PDLIM7: variants seen among roughly 807,000 people sequenced by gnomAD.
PDLIM7 encodes the protein PDZ and LIM domain 7.
In PDLIM7, 37 loss-of-function variants were observed where a neutral mutation model predicts 53.9. That is an observed-to-expected ratio of 0.69 (90% CI 0.53 to 0.90). The LOEUF (loss-of-function observed/expected upper bound fraction) is 0.90, where lower values mean the gene tolerates loss of function less well. Ranked by LOEUF, PDLIM7 falls within the 40% of genes least tolerant of loss-of-function variation. The pLI is 0.00. For synonymous variants in PDLIM7, 300 were observed against 261.3 expected (o/e 1.15, Z -1.43); for missense variants, 617 against 638.5 (o/e 0.97, Z 0.36).
In PDLIM7 at chr5:177,491,893, G is replaced by A. The variant is rs893442786; in HGVS notation, c.312C>T (p.Tyr104=). 8 of 1,264,102 alleles carry A rather than the reference G, an allele frequency of 6.3e-6. No individual in the cohort carries two copies. Among genetic ancestry groups the A allele is most frequent in the East Asian group, 3.3e-5 (1 of 30,712 alleles). 78.3% of individuals were successfully genotyped at this position (1,264,102 alleles called of 1,614,324 possible). ...TGAGGGAGACGCTGGGTGCAAAGGT[G>A]TACCGCGGAGGGTCCGCGGCGGGGG... The part of the protein sequence containing the change: ...ASAPAADPPR[Y]TFAPSVSLNK... Residue 104 remains tyrosine, a synonymous_variant, in exon 5 of 13, where the codon TAC becomes TAT. Transcript: ENST00000355841.
chr5:177,492,588 T>A lies in PDLIM7; in HGVS notation c.186A>T (p.Thr62=). Residue 62 remains threonine, a synonymous_variant, in exon 3 of 13, where the codon ACA becomes ACT. Transcript: ENST00000355841. ...GGATCTTGTTCTGAGCTTCGATGTGTGTGAGGCTACCCGCATTCTCGCCAT... is the reference window on the plus strand; with the variant it reads ...GGATCTTGTTCTGAGCTTCGATGTGAGTGAGGCTACCCGCATTCTCGCCAT... The part of the protein sequence containing the change: ...SIDGENAGSL[T]HIEAQNKIRA... The A allele has an allele frequency of 1.2e-6, 2 of 1,613,734 alleles. No homozygotes were observed. Among genetic ancestry groups the A allele is most frequent in the Non-Finnish European group, 8.5e-7 (1 of 1,179,996 alleles).
At chr5:177,497,486 C>G (rs1308790273) in intron 1 of PDLIM7, 42 bp downstream of exon 1, 1 of 152,330 alleles carries the variant, frequency 6.6e-6, no homozygotes. Flanking sequence ...CCCCGGGCGC[C>G]CGCCTGGTGC....
At position 177,483,951 on chromosome 5, in the gene PDLIM7, A is replaced by G; in HGVS notation, c.1203T>C (p.His401=). The G allele has an allele frequency of 6.2e-7, 1 of 1,613,960 alleles. No homozygotes were observed. The highest frequency in any genetic ancestry group is 1.1e-5 in the South Asian group (1 of 91,090). ...DYEKMFGTKC[H]GCDFKIDAGD... ...CAGCGTCGATCTTGAAGTCACAGCC[A>G]TGGCATTTCGTGCCAAACATCTTCT... The change falls in exon 12 of 13, where the codon CAT becomes CAC. Residue 401 remains histidine (H), a synonymous_variant. Transcript: ENST00000355841.
intron 10 of PDLIM7, among the ~76,000 whole-genome samples, chr5:177,487,184 C>T (rs1300514407): frequency 2.0e-5 from 3 of 152,118 alleles, no homozygotes; most frequent in Non-Finnish European, 4.4e-5. Context: ...CTGCCCACCT[C>T]GACCTCCCAA....
intron 9 of PDLIM7, 90 bp from the exon 10 acceptor site, chr5:177,488,338 G>A (rs1418854626): frequency 1.9e-6 from 2 of 1,062,520 alleles, no homozygotes; most frequent in African/African-American, 3.2e-5. Flanking sequence ...CCACCAGGAG[G>A]CCTTGGGAGG....
chr5:177,496,628 G>C (rs973375706), intron 1 of PDLIM7, 105 bp from the exon 2 acceptor site: 34 of 688,702 alleles, frequency 4.9e-5, no homozygotes, highest in Non-Finnish European at 7.7e-5. Flanking sequence ...AGGCAGGCAC[G>C]GGCAGCCCCT....
Position 177,491,162 on chromosome 5 carries a change from G to A in PDLIM7, c.399-16C>T. On this transcript the variant is annotated splice_polypyrimidine_tract_variant and intron_variant, in intron 5 of 12. Transcript: ENST00000355841. ...GAGCGGCTGTCTGTGGGGAGGGTGT[G>A]GCTCAGAACCCCACACTGGGGGTGG... The A allele has an allele frequency of 6.3e-7, 1 of 1,593,982 alleles. No individual in the cohort carries two copies. The highest frequency in any genetic ancestry group is 8.6e-7 in the Non-Finnish European group (1 of 1,169,016).
chr5:177,496,994 G>A (rs1186938652), intron 1 of PDLIM7: 1 of 140,330 alleles, frequency 7.1e-6, no homozygotes, highest in Non-Finnish European at 1.6e-5. Context: ...AGCACACGGG[G>A]GCTTGGGACG....
intron 2 of PDLIM7, among the ~76,000 whole-genome samples, chr5:177,494,608 A>G (rs887367510): frequency 3.3e-5 from 5 of 151,988 alleles, no homozygotes; most frequent in African/African-American, 1.2e-4. Flanking sequence ...GGAGGGCAGG[A>G]AGCACAGAGG....
intron 8 of PDLIM7, 21 bp from the exon 9 acceptor site, chr5:177,489,648 A>T: frequency 6.4e-7 from 1 of 1,554,642 alleles, no homozygotes; most frequent in Non-Finnish European, 8.7e-7. Context: ...AAGTGACTCT[A>T]AAGGGGTGCC....
Position 177,483,681 on chromosome 5 carries a change from C to A in PDLIM7, c.1337G>T (p.Arg446Met). The A allele has an allele frequency of 6.2e-7, 1 of 1,613,286 alleles. No homozygotes were observed. The highest frequency in any genetic ancestry group is 8.5e-7 in the Non-Finnish European group (1 of 1,179,296). The part of the protein sequence containing the change: ...EGKTFYSKKD[R>M]PLCKSHAFSH... ...GAAGGCATGGCTCTTGCAGAGAGGC[C>A]TGTCCTTCTTGGAGTAGAAGGTCTT... Residue 446 changes from arginine to methionine, a missense_variant, in exon 13 of 13, where the codon AGG (arginine) becomes ATG (methionine). By Grantham distance (91) the Arg-to-Met change is moderately conservative. Coordinates refer to ENST00000355841, the MANE Select transcript of PDLIM7 (RefSeq NM_005451.5).
chr5:177,488,464 A>G (rs1758573095), intron 9 of PDLIM7, among the ~76,000 whole-genome samples: 2 of 152,286 alleles, frequency 1.3e-5, no homozygotes, highest in South Asian at 4.1e-4. Context: ...GTGACAGGAG[A>G]GGCAGCTTTA....
At position 177,489,402 on chromosome 5, in the gene PDLIM7, T is replaced by C. The variant is rs142855410; in HGVS notation, c.860A>G (p.Lys287Arg). The C allele has an allele frequency of 4.4e-5, 69 of 1,583,796 alleles. No individual in the cohort carries two copies. The highest frequency in any genetic ancestry group is 3.9e-4 in the African/African-American group (29 of 74,764). Reference protein sequence around the residue: ...GKTPVCHQCHKVIRGRYLVAL... With the variant: ...GKTPVCHQCHRVIRGRYLVAL... ...GGAACAGGCCACCCACCGGATGACC[T>C]TGTGGCACTGGTGACACACGGGAGT... The change falls in exon 9 of 13, where the codon AAG becomes AGG. Residue 287 changes from lysine (K) to arginine (R), a missense_variant. Lys to Arg is a conservative substitution (Grantham distance 26). Coordinates refer to ENST00000355841, the MANE Select transcript of PDLIM7 (RefSeq NM_005451.5).
chr5:177,484,349 GTC>G (rs1468657965), intron 10 of PDLIM7, 159 bp from the exon 11 acceptor site: 2 of 816,438 alleles, frequency 2.4e-6, no homozygotes, highest in Non-Finnish European at 3.8e-6. Context: ...CAACTCCAAG[GTC>G]TCTGAGTGGA....
Position 177,496,482 on chromosome 5 carries a change from GCCCCT to G in PDLIM7, c.26_30del (p.Glu9AlafsTer38), listed in dbSNP as rs1759078071. The G allele has an allele frequency of 6.2e-7, 1 of 1,603,190 alleles. No individual in the cohort carries two copies. The highest frequency in any genetic ancestry group is 8.5e-7 in the Non-Finnish European group (1 of 1,174,704). Reference sequence around the variant, plus strand: ...TGCAGCCGGAAGCCCCAAGGTGCTGGCCCCTCCAGCACTACTTTGAAGGAATCCAT... The same window carrying G: ...TGCAGCCGGAAGCCCCAAGGTGCTGGCCAGCACTACTTTGAAGGAATCCAT... On this transcript the variant is annotated frameshift_variant, in exon 2 of 13. Coordinates refer to ENST00000355841, the MANE Select transcript of PDLIM7 (RefSeq NM_005451.5). LOFTEE classifies it high-confidence loss of function.
At chr5:177,487,984 G>A (rs1758548283) in intron 10 of PDLIM7, 84 bp downstream of exon 10, 2 of 1,368,628 alleles carry the variant, frequency 1.5e-6, no homozygotes, top group Admixed American at 2.2e-5. Context: ...CACTCGGGGA[G>A]AGACCTGGAC....
intron 10 of PDLIM7, 114 bp downstream of exon 10, chr5:177,487,954 T>C (rs1758545900): frequency 3.1e-6 from 3 of 957,314 alleles, no homozygotes; most frequent in South Asian, 1.7e-5. Context: ...TTTATTACGC[T>C]GGTAAGGACC....
intron 7 of PDLIM7, 150 bp downstream of exon 7, chr5:177,490,708 GGAAGGGAAGGAA>G (rs1450919628): frequency 0.025 from 18,171 of 738,630 alleles, 1,023 homozygotes; most frequent in East Asian, 0.22. Flanking sequence ...GAAGGAAGGA[GGAAGGGAAGGAA>G]GGAAGGAAGG....
In PDLIM7 at chr5:177,490,199, C is replaced by G. The variant is rs1758678108; in HGVS notation, c.573-367G>C. On this transcript the variant is annotated intron_variant, in intron 7 of 12. Transcript: ENST00000355841. ...TCCGAACCACGAAACACCCCCACAC[C>G]CCAAATGCAAACCAGGTCCACAAAG... 5 of 1,445,322 alleles carry G rather than the reference C, an allele frequency of 3.5e-6. No homozygotes were observed. In the East Asian group the frequency reaches 1.3e-4, roughly 36 times the overall value. 89.5% of individuals were successfully genotyped at this position (1,445,322 alleles called of 1,614,324 possible).
Sources: allele counts gnomAD v4.1 joint callset (sites outside exome capture counted in the v4.1 genomes callset), GRCh38; gene constraint gnomAD v4.1.1; transcripts MANE v1.5; gene names NCBI Gene and HGNC (gene_info 2026-07-23, HGNC 2026-07-21).